Variants in UBE2E3 observed in about 807,000 individuals in gnomAD.
UBE2E3 encodes ubiquitin conjugating enzyme E2 E3.
In UBE2E3, 5 loss-of-function variants were observed where a neutral mutation model predicts 23.6. The ratio of observed to expected loss-of-function variants is 0.21; its 90% CI spans 0.11 to 0.44. UBE2E3 has a LOEUF of 0.44. Ranked by LOEUF, UBE2E3 falls within the 20% of genes least tolerant of loss-of-function variation. The probability of loss-of-function intolerance (pLI) is 0.99; values close to 1 mark genes in which losing one functional copy is unlikely to be tolerated. For missense variants in UBE2E3, 81 were observed against 249.8 expected (o/e 0.32, Z 4.55); for synonymous variants, 78 against 87.5 (o/e 0.89, Z 0.60).
At chr2:180,988,912 AAAAG>A (rs1278497372) in intron 3 of UBE2E3, among the ~76,000 whole-genome samples, 1 of 152,152 alleles carries the variant, frequency 6.6e-6, no homozygotes, top group Non-Finnish European at 1.5e-5. Flanking sequence ...TCTTCAAAAA[AAAAG>A]GTCCTGGAAC....
intron 3 of UBE2E3, among the ~76,000 whole-genome samples, chr2:181,014,721 A>G (rs994896761): frequency 6.6e-6 from 1 of 152,094 alleles, no homozygotes; most frequent in East Asian, 1.9e-4. Context: ...TATTTTTTAA[A>G]TTTTTATTGA....
chr2:181,034,151 A>G (rs1211134519), intron 3 of UBE2E3, among the ~76,000 whole-genome samples: 4 of 152,224 alleles, frequency 2.6e-5, no homozygotes, highest in South Asian at 2.1e-4. Flanking sequence ...TAGAAATACC[A>G]TTTGACCCAC....
chr2:180,992,732 G>C (rs1031883374), intron 3 of UBE2E3, among the ~76,000 whole-genome samples: 3 of 152,130 alleles, frequency 2.0e-5, no homozygotes, highest in African/African-American at 7.2e-5. Context: ...CGCAATGTCA[G>C]CTCACCGCAA....
intron 3 of UBE2E3, among the ~76,000 whole-genome samples, chr2:181,003,039 G>A (rs1685035203): frequency 6.6e-6 from 1 of 152,216 alleles, no homozygotes; most frequent in Admixed American, 6.5e-5. Flanking sequence ...GGTATCTTAT[G>A]TAGTACATGT....
At chr2:181,041,074 C>A (rs2105665683) in intron 3 of UBE2E3, among the ~76,000 whole-genome samples, 1 of 151,784 alleles carries the variant, frequency 6.6e-6, no homozygotes, top group East Asian at 1.9e-4. Flanking sequence ...ATGATGAAAC[C>A]CAGTCTCTAC....
At chr2:181,032,493 A>C (rs962194455) in intron 3 of UBE2E3, among the ~76,000 whole-genome samples, 5 of 152,216 alleles carry the variant, frequency 3.3e-5, no homozygotes, top group African/African-American at 1.2e-4. Context: ...TCAAAGAAAC[A>C]TTTGAGTCAT....
intron 3 of UBE2E3, among the ~76,000 whole-genome samples, chr2:181,027,729 A>G (rs1047719510): frequency 1.1e-4 from 16 of 151,992 alleles, no homozygotes; most frequent in African/African-American, 3.9e-4. Flanking sequence ...TTTTAAAATC[A>G]AGTATTGAAA....
At chr2:181,042,271 G>A (rs143824174) in intron 3 of UBE2E3, among the ~76,000 whole-genome samples, 1 of 152,300 alleles carries the variant, frequency 6.6e-6, no homozygotes, top group East Asian at 1.9e-4. Context: ...TAATTCAAGG[G>A]TATTGTGAAG....
chr2:181,025,721 A>G (rs906528773), intron 3 of UBE2E3, among the ~76,000 whole-genome samples: 9 of 152,086 alleles, frequency 5.9e-5, no homozygotes, highest in South Asian at 4.1e-4. Flanking sequence ...ATCTACATAT[A>G]TTAGCAGTGA....
At chr2:180,990,270 C>T (rs4666991) in intron 3 of UBE2E3, among the ~76,000 whole-genome samples, 34 of 151,868 alleles carry the variant, frequency 2.2e-4, no homozygotes, top group African/African-American at 8.2e-4. Flanking sequence ...AGTAGGTAGA[C>T]GTCAGTGGTA....
intron 3 of UBE2E3, chr2:180,989,952 T>C (rs867601826): frequency 7.1e-6 from 11 of 1,548,616 alleles, no homozygotes; most frequent in African/African-American, 4.1e-5. Context: ...CCTTTCAGTC[T>C]CTTCTTCCCT....
intron 3 of UBE2E3, among the ~76,000 whole-genome samples, chr2:181,017,950 C>G (rs560860662): frequency 6.6e-6 from 1 of 151,486 alleles, no homozygotes; most frequent in South Asian, 2.1e-4. Flanking sequence ...GTCTTCTGAG[C>G]GTGACTCTCT....
chr2:181,060,568 G>GT, intron 4 of UBE2E3, 97 bp from the exon 5 acceptor site: 1 of 1,119,908 alleles, frequency 8.9e-7, no homozygotes, highest in Non-Finnish European at 1.2e-6. Context: ...AAATAATTTA[G>GT]TATCATCTAT....
At chr2:181,046,911 A>G (rs1686687785) in intron 3 of UBE2E3, among the ~76,000 whole-genome samples, 1 of 152,108 alleles carries the variant, frequency 6.6e-6, no homozygotes, top group African/African-American at 2.4e-5. Flanking sequence ...CTTATTTTTC[A>G]AATTAAAAAT....
At chr2:181,003,960 G>A (rs62180125) in intron 3 of UBE2E3, among the ~76,000 whole-genome samples, 1 of 152,100 alleles carries the variant, frequency 6.6e-6, no homozygotes, top group African/African-American at 2.4e-5. Flanking sequence ...TCTAAAGACA[G>A]ACTAATAAAT....
intron 3 of UBE2E3, among the ~76,000 whole-genome samples, chr2:181,025,606 C>T (rs1462522442): frequency 1.3e-5 from 2 of 151,922 alleles, no homozygotes; most frequent in Middle Eastern, 3.4e-3. Context: ...AAATGACCAT[C>T]GTCCTGTGTT....
chr2:180,980,524 G>C (rs1248369588), upstream of UBE2E3: 1 of 148,092 alleles, frequency 6.8e-6, no homozygotes, highest in African/African-American at 2.4e-5. The surrounding 1 kb of genome is among the most constrained non-coding windows in gnomAD (Gnocchi z 5.5). Flanking sequence ...GCCGGGCGTC[G>C]GCGGCGCGCG....
At chr2:181,015,193 A>G (rs984392841) in intron 3 of UBE2E3, among the ~76,000 whole-genome samples, 48 of 152,344 alleles carry the variant, frequency 3.2e-4, no homozygotes, top group African/African-American at 1.1e-3. Context: ...ATACATGTGA[A>G]TTTAGTATAA....
chr2:181,031,583 T>C (rs1234205674), intron 3 of UBE2E3, among the ~76,000 whole-genome samples: 1 of 152,154 alleles, frequency 6.6e-6, no homozygotes, highest in Non-Finnish European at 1.5e-5. Context: ...GGTTTGTTAC[T>C]ACCATTTACT....
Sources: gnomAD v4.1 joint callset for allele counts (sites outside exome capture counted in the v4.1 genomes callset) on GRCh38, gnomAD v4.1.1 for gene constraint, Gnocchi (gnomAD v3.1) non-coding constraint, MANE v1.5 for transcripts, NCBI Gene and HGNC (gene_info 2026-07-23, HGNC 2026-07-21) for gene names.